Variants in EXOSC8 observed in about 807,000 individuals in gnomAD.
EXOSC8 encodes exosome complex component RRP43.
In EXOSC8, 37 loss-of-function variants were observed where a neutral mutation model predicts 39.9. The observed-to-expected ratio is 0.93, with a 90% CI of 0.71 to 1.22. The LOEUF (loss-of-function observed/expected upper bound fraction) is 1.22. Among genes scored for constraint, EXOSC8 ranks in the 50% most tolerant of loss-of-function variants. The pLI is 0.00. For synonymous variants in EXOSC8, 93 were observed against 109.5 expected (o/e 0.85, Z 0.94); for missense variants, 313 against 326.6 (o/e 0.96, Z 0.32).
intron 7 of EXOSC8, among the ~76,000 whole-genome samples, chr13:37,006,716 C>T (rs1319830602): frequency 6.6e-6 from 1 of 152,232 alleles, no homozygotes; most frequent in African/African-American, 2.4e-5. Context: ...CCTTCTACAT[C>T]TGTAGCTCCA....
At chr13:37,008,946 T>C (rs1185470941) in intron 10 of EXOSC8, 111 bp downstream of exon 10, 1 of 774,758 alleles carries the variant, frequency 1.3e-6, no homozygotes, top group Non-Finnish European at 2.2e-6. Context: ...CTAATTTTAG[T>C]ATAGTTTCTT....
intron 7 of EXOSC8, among the ~76,000 whole-genome samples, chr13:37,006,402 A>G (rs961865250): frequency 1.3e-5 from 2 of 152,166 alleles, no homozygotes; most frequent in Admixed American, 6.5e-5. Context: ...AAACTGAAGT[A>G]ATTTTTTTCC....
At chr13:37,002,666 G>T in intron 3 of EXOSC8, 115 bp downstream of exon 3, 2 of 781,916 alleles carry the variant, frequency 2.6e-6, no homozygotes, top group Non-Finnish European at 4.2e-6. Flanking sequence ...GATTTTTTTT[G>T]TCAAGAGATT....
rs917492076 is a variant in EXOSC8 at position 37,000,855 on chromosome 13, T to G, written c.17+33T>G. On this transcript the variant is annotated intron_variant, in intron 1 of 10. Transcript: ENST00000389704. ...TTGGCGGGTGGCGGGTAGAGTTCTG[T>G]ACCCTGGCGGACGGCAGCTTCCTTT... The G allele has an allele frequency of 2.7e-6, 4 of 1,498,600 alleles. No individual in the cohort carries two copies. The African/African-American group carries it at 5.8e-5, about 22-fold the overall frequency. The allele number at this position is 1,498,600 out of a possible 1,614,324, so 92.8% of individuals were successfully genotyped here.
intron 10 of EXOSC8, 112 bp from the exon 11 acceptor site, chr13:37,009,072 T>C (rs1401996732): frequency 4.0e-6 from 3 of 745,278 alleles, no homozygotes; most frequent in East Asian, 2.7e-5. Flanking sequence ...CTTGAGACTG[T>C]ACCCTGATTT....
intron 7 of EXOSC8, 90 bp from the exon 8 acceptor site, chr13:37,006,885 C>T: frequency 2.7e-6 from 2 of 751,030 alleles, no homozygotes; most frequent in South Asian, 1.7e-5. Context: ...CTTGTTTAAC[C>T]AAGGGTTCTG....
At chr13:37,008,967 A>C in intron 10 of EXOSC8, 132 bp downstream of exon 10, 1 of 738,204 alleles carries the variant, frequency 1.4e-6, no homozygotes, top group East Asian at 2.7e-5. Flanking sequence ...AGCTACCTAA[A>C]ATGTTCTTCC....
chr13:37,003,096 A>G, intron 4 of EXOSC8, 89 bp downstream of exon 4: 1 of 793,394 alleles, frequency 1.3e-6, no homozygotes, highest in Non-Finnish European at 2.1e-6. Context: ...TCTACTCTTG[A>G]TTTGGTAGTT....
At chr13:37,008,624 G>C in intron 9 of EXOSC8, 105 bp from the exon 10 acceptor site, 1 of 709,612 alleles carries the variant, frequency 1.4e-6, no homozygotes, top group Admixed American at 2.6e-5. Flanking sequence ...GTGTGATGGC[G>C]TGTGCCTGTT....
intron 1 of EXOSC8, chr13:37,001,872 T>C (rs1259164867): frequency 6.3e-6 from 1 of 158,084 alleles, no homozygotes; most frequent in African/African-American, 2.4e-5. Flanking sequence ...TCACTTACAG[T>C]GAAAATAAAG....
intron 1 of EXOSC8, 92 bp downstream of exon 1, chr13:37,000,914 G>A: frequency 4.3e-6 from 6 of 1,387,294 alleles, no homozygotes; most frequent in Admixed American, 3.1e-5. Context: ...CCTGGAGGCC[G>A]ACCCCGTTGG....
chr13:37,009,512 T>C lies in EXOSC8; in HGVS notation c.*213T>C. On this transcript the variant is annotated 3_prime_UTR_variant, in exon 11 of 11. Coordinates refer to ENST00000389704, the MANE Select transcript of EXOSC8 (RefSeq NM_181503.3). Reference sequence around the variant, plus strand: ...ACCCTAGTTTGTTAAACCATTTCCCTGTTTTTATTTAAAAATGATAAGGTT... The same window carrying C: ...ACCCTAGTTTGTTAAACCATTTCCCCGTTTTTATTTAAAAATGATAAGGTT... 2.0e-6 allele frequency: 2 copies of C among 981,032 alleles called. No individual in the cohort carries two copies. Among genetic ancestry groups the C allele is most frequent in the Non-Finnish European group, 3.1e-6 (2 of 653,386 alleles). 60.8% of individuals were successfully genotyped at this position (981,032 alleles called of 1,614,324 possible).
At position 37,008,796 on chromosome 13, in the gene EXOSC8, A is replaced by T; in HGVS notation, c.676A>T (p.Met226Leu). ...HLATGTLTIV[M>L]DEEGKLCCLH... is the part of the protein sequence containing the mutation. ...GGCAACAGGAACCTTAACAATAGTA[A>T]TGGATGAGGAAGGCAAACTCTGTTG... The change falls in exon 10 of 11, where the codon ATG (methionine) becomes TTG (leucine). Residue 226 changes from methionine to leucine, a missense_variant. Met to Leu is a conservative substitution (Grantham distance 15). Coordinates refer to ENST00000389704, the MANE Select transcript of EXOSC8 (RefSeq NM_181503.3). 6.2e-7 allele frequency: 1 copy of T among 1,613,408 alleles called. No homozygotes were observed. Among genetic ancestry groups the T allele is most frequent in the Non-Finnish European group, 8.5e-7 (1 of 1,179,390 alleles).
intron 5 of EXOSC8, 152 bp from the exon 6 acceptor site, chr13:37,005,768 G>A (rs2059134118): frequency 3.9e-6 from 2 of 513,276 alleles, no homozygotes. Context: ...GGAGGCTGAG[G>A]CAAGGAAATC....
chr13:37,000,868 G>A, intron 1 of EXOSC8, 46 bp downstream of exon 1: 3 of 1,466,636 alleles, frequency 2.0e-6, no homozygotes, highest in South Asian at 2.7e-5. Flanking sequence ...CCTGGCGGAC[G>A]GCAGCTTCCT....
At chr13:37,003,805 C>T (rs2059121210) in intron 4 of EXOSC8, 1 of 151,996 alleles carries the variant, frequency 6.6e-6, no homozygotes, top group Non-Finnish European at 1.5e-5. Context: ...AAATAACTTG[C>T]CTGAAGTCTC....
chr13:37,005,028 G>C (rs570557024), intron 5 of EXOSC8, among the ~76,000 whole-genome samples: 1 of 152,210 alleles, frequency 6.6e-6, no homozygotes, highest in East Asian at 1.9e-4. Context: ...CAGGAGGATT[G>C]CTTGAGCCTG....
chr13:37,006,045 A>ATT lies in EXOSC8; in HGVS notation c.344+23_344+24dup. The stretch of plus-strand genomic sequence containing the variant: ...TGAAAAGTAAGAGCACCATGATAAA[A>ATT]TTTTATTACAATTCATTTTCAGATA... On this transcript the variant is annotated intron_variant, in intron 6 of 10. Transcript: ENST00000389704. 6.3e-7 allele frequency: 1 copy of ATT among 1,587,544 alleles called. No individual in the cohort carries two copies. The highest frequency in any genetic ancestry group is 8.6e-7 in the Non-Finnish European group (1 of 1,157,562).
chr13:37,002,805 C>A, intron 3 of EXOSC8, 129 bp from the exon 4 acceptor site: 1 of 701,072 alleles, frequency 1.4e-6, no homozygotes, highest in Non-Finnish European at 2.5e-6. Context: ...TTGAAATATT[C>A]ATAAGCAACT....
Sources: allele counts gnomAD v4.1 joint callset (sites outside exome capture counted in the v4.1 genomes callset), GRCh38; gene constraint gnomAD v4.1.1; transcripts MANE v1.5; gene names NCBI Gene and HGNC (gene_info 2026-07-23, HGNC 2026-07-21).